Variants in RBM20 observed in about 807,000 individuals in gnomAD.
The protein encoded by RBM20 is RNA binding motif protein 20.
A neutral mutation model predicts 110.1 loss-of-function variants in RBM20; 51 were observed. That is an observed-to-expected ratio of 0.46 (90% confidence interval 0.37 to 0.59). The LOEUF is 0.59. Ranked by LOEUF, RBM20 falls within the 20% of genes least tolerant of loss-of-function variation. The pLI is 0.00. For missense variants in RBM20, 1,512 were observed against 1,574.9 expected (o/e 0.96, Z 0.68); for synonymous variants, 589 against 618.2 (o/e 0.95, Z 0.70).
At chr10:110,823,364 A>T (rs188522732) in intron 11 of RBM20, 116 bp from the exon 12 acceptor site, 5 of 1,325,334 alleles carry the variant, frequency 3.8e-6, no homozygotes, top group Non-Finnish European at 5.1e-6. Context: ...AAGCAGTCCA[A>T]GGAACAATTC....
At chr10:110,822,833 C>G (rs1047222954) in intron 11 of RBM20, among the ~76,000 whole-genome samples, 2 of 152,006 alleles carry the variant, frequency 1.3e-5, no homozygotes, top group Non-Finnish European at 1.5e-5. Context: ...TTTACCTGCA[C>G]GGATCTGAGT....
At chr10:110,687,362 T>C (rs1862520459) in intron 1 of RBM20, among the ~76,000 whole-genome samples, 1 of 152,246 alleles carries the variant, frequency 6.6e-6, no homozygotes, top group Non-Finnish European at 1.5e-5. Context: ...AGCTGAATGA[T>C]TAAGTTGGAT....
chr10:110,793,086 G>A lies in RBM20; in HGVS notation c.1528-4422G>A, dbSNP rs557637758. On this transcript the variant is annotated intron_variant, in intron 5 of 13. Coordinates refer to ENST00000369519, the MANE Select transcript of RBM20 (RefSeq NM_001134363.3). ...ATAAGCATATATATTTTTTACATCCGGAAAGGACTTTAGACCTATAGGTCA... is the reference window on the plus strand; with the variant it reads ...ATAAGCATATATATTTTTTACATCCAGAAAGGACTTTAGACCTATAGGTCA... 1.5e-4 allele frequency among the ~76,000 whole-genome samples: 23 copies of A among 152,226 alleles called. No individual in the cohort carries two copies. In the South Asian group the frequency reaches 4.6e-3, roughly 30 times the overall value.
intron 1 of RBM20, among the ~76,000 whole-genome samples, chr10:110,768,053 C>T (rs1844131550): frequency 6.6e-6 from 1 of 152,244 alleles, no homozygotes; most frequent in African/African-American, 2.4e-5. Flanking sequence ...CACAGCGAAA[C>T]CCCGTCTCCA....
Position 110,812,961 on chromosome 10 carries a change from T to G in RBM20, c.2550+14T>G. On this transcript the variant is annotated intron_variant, in intron 9 of 13. Coordinates refer to ENST00000369519, the MANE Select transcript of RBM20 (RefSeq NM_001134363.3). ...GCAGAGAATGAGGTAATGATCAATT[T>G]CTTCCCCAGGTAAGGCGAGGCAGGC... 3 of 1,439,868 alleles carry G rather than the reference T, an allele frequency of 2.1e-6. No homozygotes were observed. The highest frequency in any genetic ancestry group is 2.7e-6 in the Non-Finnish European group (3 of 1,092,192). 89.2% of individuals were successfully genotyped at this position (1,439,868 alleles called of 1,614,324 possible).
intron 1 of RBM20, among the ~76,000 whole-genome samples, chr10:110,777,867 C>A (rs772856484): frequency 6.6e-6 from 1 of 152,230 alleles, no homozygotes; most frequent in Non-Finnish European, 1.5e-5. Flanking sequence ...ACCTCATTAT[C>A]GCCTTGTTAG....
At chr10:110,692,394 T>G (rs1230891384) in intron 1 of RBM20, among the ~76,000 whole-genome samples, 2 of 152,206 alleles carry the variant, frequency 1.3e-5, no homozygotes, top group African/African-American at 4.8e-5. Context: ...ATGGAATGTC[T>G]TTCCACTTAT....
chr10:110,720,408 T>C (rs190515946), intron 1 of RBM20, among the ~76,000 whole-genome samples: 44 of 152,346 alleles, frequency 2.9e-4, no homozygotes, highest in African/African-American at 7.7e-4. Context: ...TTCTTCTATC[T>C]ACTTTCTAGT....
intron 7 of RBM20, among the ~76,000 whole-genome samples, chr10:110,809,147 T>G (rs1270063351): frequency 1.4e-5 from 2 of 145,060 alleles, no homozygotes; most frequent in Non-Finnish European, 3.0e-5. Flanking sequence ...GCCTGGGAGG[T>G]TGAGGCTTTC....
chr10:110,742,214 T>C (rs1452644123), intron 1 of RBM20, among the ~76,000 whole-genome samples: 1 of 151,892 alleles, frequency 6.6e-6, no homozygotes, highest in Non-Finnish European at 1.5e-5. Context: ...CTGACTTTTC[T>C]ATCTACACCT....
At chr10:110,783,802 C>T (rs1844384806) in intron 3 of RBM20, among the ~76,000 whole-genome samples, 1 of 152,210 alleles carries the variant, frequency 6.6e-6, no homozygotes, top group African/African-American at 2.4e-5. Flanking sequence ...TGGCATTTAG[C>T]ACATTCACGA....
chr10:110,769,360 C>A (rs1190478361), intron 1 of RBM20, among the ~76,000 whole-genome samples: 2 of 152,154 alleles, frequency 1.3e-5, no homozygotes, highest in African/African-American at 2.4e-5. Flanking sequence ...AAAGAACTTT[C>A]AGCTTTCTGG....
At chr10:110,691,862 G>A (rs1053740431) in intron 1 of RBM20, among the ~76,000 whole-genome samples, 3 of 152,016 alleles carry the variant, frequency 2.0e-5, no homozygotes, top group Admixed American at 6.6e-5. Context: ...CCAATGTTAC[G>A]AAGCATTCCC....
intron 11 of RBM20, chr10:110,822,542 T>C: frequency 4.4e-6 from 2 of 453,486 alleles, no homozygotes; most frequent in Middle Eastern, 6.6e-4. Context: ...TAAAATAGGC[T>C]AAGCCCCGTC....
At chr10:110,767,213 G>C (rs1220906543) in intron 1 of RBM20, among the ~76,000 whole-genome samples, 19 of 124,544 alleles carry the variant, frequency 1.5e-4, no homozygotes, top group Non-Finnish European at 2.9e-4. Flanking sequence ...GGGCGGGGGG[G>C]CTGACCCCCC....
At chr10:110,811,807 G>A (rs1000952023) in intron 8 of RBM20, among the ~76,000 whole-genome samples, 1 of 152,180 alleles carries the variant, frequency 6.6e-6, no homozygotes, top group Non-Finnish European at 1.5e-5. Context: ...CAGCCCAAAT[G>A]TAGGAGTGGC....
chr10:110,700,305 G>A (rs1862738635), intron 1 of RBM20, among the ~76,000 whole-genome samples: 2 of 152,126 alleles, frequency 1.3e-5, no homozygotes, highest in South Asian at 2.1e-4. Flanking sequence ...TCACTTGGGC[G>A]CTTCAGATTT....
At chr10:110,723,039 G>C (rs1281724658) in intron 1 of RBM20, among the ~76,000 whole-genome samples, 2 of 151,700 alleles carry the variant, frequency 1.3e-5, no homozygotes, top group Non-Finnish European at 2.9e-5. Flanking sequence ...TTGAACCCAG[G>C]AGGCAGAGGT....
chr10:110,798,770 C>T (rs1844584051), intron 6 of RBM20, among the ~76,000 whole-genome samples: 2 of 152,170 alleles, frequency 1.3e-5, no homozygotes, highest in South Asian at 2.1e-4. Context: ...ATGAGAGAGT[C>T]AGGGGCTCAC....
Sources: gnomAD v4.1 joint callset for allele counts (sites outside exome capture counted in the v4.1 genomes callset) on GRCh38, gnomAD v4.1.1 for gene constraint, MANE v1.5 for transcripts, NCBI Gene and HGNC (gene_info 2026-07-23, HGNC 2026-07-21) for gene names.